The following PRIM2 variants were observed in gnomAD, a reference collection of about 807,000 sequenced individuals.
PRIM2 encodes the protein DNA primase subunit 2, also known as DNA primase large subunit.
Under a neutral mutation model 67.3 loss-of-function variants are expected in PRIM2, and 39 were observed. The ratio of observed to expected loss-of-function variants is 0.58; its 90% CI spans 0.45 to 0.76. The LOEUF is 0.76. Among genes scored for constraint, PRIM2 ranks in the 30% least tolerant of loss-of-function variants. The pLI, the probability that PRIM2 is intolerant of heterozygous loss-of-function variation, is 0.00. For missense variants in PRIM2, 398 were observed against 598.7 expected (o/e 0.66, Z 3.50); for synonymous variants, 143 against 198.7 (o/e 0.72, Z 2.36).
At chr6:57,232,190 T>C in the PRIM2 span, among the ~76,000 whole-genome samples, 1 of 152,268 alleles carries the variant, frequency 6.6e-6, no homozygotes, top group Non-Finnish European at 1.5e-5. Context: ...ATGATGGTTA[T>C]AGACATCGAG....
intron 3 of PRIM2, among the ~76,000 whole-genome samples, chr6:57,321,896 T>G (rs2127270565): frequency 6.6e-6 from 1 of 152,290 alleles, no homozygotes; most frequent in Non-Finnish European, 1.5e-5. Context: ...AAGATTTGAA[T>G]CTGGGTATTT....
At chr6:57,530,806 C>T (rs1203433733) in intron 8 of PRIM2, among the ~76,000 whole-genome samples, 1 of 151,978 alleles carries the variant, frequency 6.6e-6, no homozygotes, top group African/African-American at 2.4e-5. Context: ...GGGCTCAAGC[C>T]ATCCTACTGC....
intron 7 of PRIM2, among the ~76,000 whole-genome samples, chr6:57,432,630 G>T (rs1771874687): frequency 6.6e-6 from 1 of 152,134 alleles, no homozygotes; most frequent in African/African-American, 2.4e-5. Flanking sequence ...GTTAAAAATA[G>T]TTTTGAGAAG....
intron 8 of PRIM2, among the ~76,000 whole-genome samples, chr6:57,525,065 C>A (rs1410796086): frequency 2.6e-5 from 4 of 151,946 alleles, no homozygotes; most frequent in Admixed American, 6.6e-5. Flanking sequence ...TCCCCCACCC[C>A]CTGCCCACCT....
intron 7 of PRIM2, among the ~76,000 whole-genome samples, chr6:57,384,224 G>T (rs536318508): frequency 3.3e-5 from 5 of 152,266 alleles, no homozygotes; most frequent in African/African-American, 1.2e-4. Context: ...TGAAATCAAG[G>T]TGTCGGCATG....
intron 7 of PRIM2, among the ~76,000 whole-genome samples, chr6:57,391,890 T>C (rs1274170829): frequency 6.6e-6 from 1 of 152,142 alleles, no homozygotes; most frequent in Non-Finnish European, 1.5e-5. Flanking sequence ...TTTATTTATT[T>C]ATTTTTTAGT....
the PRIM2 span, among the ~76,000 whole-genome samples, chr6:57,290,127 GAAAAA>G: frequency 8.5e-6 from 1 of 118,050 alleles, no homozygotes; most frequent in African/African-American, 3.0e-5. Flanking sequence ...CAAATAGAAA[GAAAAA>G]AAAAAAAAAA....
In PRIM2 at chr6:57,577,935, C is replaced by T. The variant is rs1337959634; in HGVS notation, c.1021-23158C>T. The stretch of plus-strand genomic sequence containing the variant: ...TTTTACCAGTTTTCTCACTAATGTC[C>T]TTCTGCTGTTCCAAGATCCAGTTCA... On this transcript the variant is annotated intron_variant, in intron 10 of 13. Transcript: ENST00000615550. 5.2e-3 allele frequency among the ~76,000 whole-genome samples: 798 copies of T among 152,276 alleles called. 6 individuals are homozygous for T. The highest frequency in any genetic ancestry group is 0.018 in the African/African-American group (764 of 41,558).
intron 5 of PRIM2, among the ~76,000 whole-genome samples, chr6:57,358,845 G>A (rs1769112558): frequency 2.0e-5 from 3 of 152,092 alleles, no homozygotes; most frequent in African/African-American, 4.8e-5. Context: ...CTGGTACAGT[G>A]GATTAAAAAT....
chr6:57,270,317 T>G, the PRIM2 span, among the ~76,000 whole-genome samples: 1 of 152,160 alleles, frequency 6.6e-6, no homozygotes, highest in African/African-American at 2.4e-5. Context: ...TGAGCAGTGG[T>G]TTGTAGTTCT....
chr6:57,356,115 T>A (rs997309470), intron 5 of PRIM2, among the ~76,000 whole-genome samples: 2 of 152,182 alleles, frequency 1.3e-5, no homozygotes, highest in African/African-American at 4.8e-5. Context: ...GCGTGCTGTC[T>A]AAGCGGGGAT....
At chr6:57,512,650 T>C (rs1774395080) in intron 8 of PRIM2, among the ~76,000 whole-genome samples, 1 of 152,052 alleles carries the variant, frequency 6.6e-6, no homozygotes, top group Admixed American at 6.6e-5. Context: ...CAGGCTGGAG[T>C]GCAATGGCAT....
At chr6:57,532,734 A>C (rs1774918669) in intron 9 of PRIM2, among the ~76,000 whole-genome samples, 1 of 152,232 alleles carries the variant, frequency 6.6e-6, no homozygotes, top group African/African-American at 2.4e-5. Flanking sequence ...TCTTTTAAAT[A>C]GCTAAATGGA....
chr6:57,641,825 G>T (rs1301740865), intron 13 of PRIM2, among the ~76,000 whole-genome samples: 2 of 152,160 alleles, frequency 1.3e-5, no homozygotes, highest in Non-Finnish European at 2.9e-5. Flanking sequence ...ACAGTGTGGC[G>T]ATTTCTCAAG....
intron 12 of PRIM2, among the ~76,000 whole-genome samples, chr6:57,626,200 T>C (rs1237027657): frequency 1.3e-5 from 2 of 152,350 alleles, no homozygotes; most frequent in East Asian, 3.9e-4. Context: ...CAGGTAATCA[T>C]CTGAACCTCG....
chr6:57,600,649 C>T (rs1361571937), intron 10 of PRIM2, among the ~76,000 whole-genome samples: 2 of 152,006 alleles, frequency 1.3e-5, no homozygotes, highest in Non-Finnish European at 2.9e-5. Flanking sequence ...AGCCACTGCA[C>T]CTGGCCTAGG....
chr6:57,474,859 C>T (rs1773437346), intron 7 of PRIM2, among the ~76,000 whole-genome samples: 1 of 152,212 alleles, frequency 6.6e-6, no homozygotes, highest in Admixed American at 6.5e-5. Flanking sequence ...AGTCTTTTCT[C>T]CTACCTCTGT....
At chr6:57,456,145 C>G (rs4738867) in intron 7 of PRIM2, among the ~76,000 whole-genome samples, 1 of 152,060 alleles carries the variant, frequency 6.6e-6, no homozygotes, top group Non-Finnish European at 1.5e-5. Context: ...GAGTTTCTGC[C>G]GAGAGATCCG....
At chr6:57,269,818 G>A in the PRIM2 span, among the ~76,000 whole-genome samples, 4 of 152,200 alleles carry the variant, frequency 2.6e-5, no homozygotes, top group Non-Finnish European at 4.4e-5. Context: ...TAAGATGTAA[G>A]GAAGGGATCC....
Sources: gnomAD v4.1 joint callset for allele counts (sites outside exome capture counted in the v4.1 genomes callset) on GRCh38, gnomAD v4.1.1 for gene constraint, MANE v1.5 for transcripts, NCBI Gene and HGNC (gene_info 2026-07-23, HGNC 2026-07-21) for gene names.